The following PDLIM5 variants were observed in gnomAD, a reference collection of about 807,000 sequenced individuals.
The protein encoded by PDLIM5 is PDZ and LIM domain 5, also known as PDZ and LIM domain protein 5.
Under a neutral mutation model 64.2 loss-of-function variants are expected in PDLIM5, and 34 were observed. That is an observed-to-expected ratio of 0.53 (90% CI 0.40 to 0.71). PDLIM5 has a LOEUF of 0.71. PDLIM5 is among the 30% of genes least tolerant of loss of function. PDLIM5 has a pLI of 0.00. For synonymous variants in PDLIM5, 253 were observed against 269.1 expected (o/e 0.94, Z 0.59); for missense variants, 683 against 733.6 (o/e 0.93, Z 0.80).
At chr4:94,559,106 T>G (rs1733621861) in intron 3 of PDLIM5, among the ~76,000 whole-genome samples, 1 of 152,184 alleles carries the variant, frequency 6.6e-6, no homozygotes, top group African/African-American at 2.4e-5. Context: ...TTTTCTATCA[T>G]GAAACCTGAA....
intron 2 of PDLIM5, among the ~76,000 whole-genome samples, chr4:94,521,755 T>C (rs1729848102): frequency 6.6e-6 from 1 of 152,016 alleles, no homozygotes; most frequent in Non-Finnish European, 1.5e-5. Context: ...TTGGGTACAC[T>C]TAGAACAAAT....
At chr4:94,603,814 G>A (rs1247143784) in intron 7 of PDLIM5, among the ~76,000 whole-genome samples, 1 of 152,148 alleles carries the variant, frequency 6.6e-6, no homozygotes, top group Non-Finnish European at 1.5e-5. Context: ...CTAACTGCCT[G>A]GCCCTCAAGT....
intron 2 of PDLIM5, among the ~76,000 whole-genome samples, chr4:94,511,088 G>A (rs921184960): frequency 2.6e-5 from 4 of 152,144 alleles, no homozygotes; most frequent in South Asian, 2.1e-4. Context: ...ACAGCTAAGC[G>A]GAATGAGGCC....
intron 2 of PDLIM5, among the ~76,000 whole-genome samples, chr4:94,463,297 G>A (rs1312683306): frequency 6.6e-6 from 1 of 152,186 alleles, no homozygotes; most frequent in African/African-American, 2.4e-5. Context: ...AAAAATCCAT[G>A]TGTAACTTTT....
At chr4:94,494,393 A>G (rs1474186850) in intron 2 of PDLIM5, among the ~76,000 whole-genome samples, 1 of 140,318 alleles carries the variant, frequency 7.1e-6, no homozygotes, top group Non-Finnish European at 1.5e-5. Context: ...ACACCTAAAT[A>G]CAAGTTTATC....
chr4:94,649,483 C>T (rs1437830324), intron 9 of PDLIM5, among the ~76,000 whole-genome samples: 3 of 152,120 alleles, frequency 2.0e-5, no homozygotes, highest in Non-Finnish European at 2.9e-5. Context: ...GCCCTCCCTG[C>T]TTAATTTTTC....
At chr4:94,636,322 C>T (rs1028089451) in intron 8 of PDLIM5, among the ~76,000 whole-genome samples, 2 of 151,382 alleles carry the variant, frequency 1.3e-5, no homozygotes, top group Non-Finnish European at 2.9e-5. Flanking sequence ...GTCTGATTTT[C>T]AGATTTTCCA....
intron 9 of PDLIM5, among the ~76,000 whole-genome samples, chr4:94,650,237 T>C (rs78781476): frequency 0.026 from 3,973 of 152,260 alleles, 155 homozygotes; most frequent in East Asian, 0.15. Flanking sequence ...TGAATGTATT[T>C]ATGTGCAGTT....
intron 3 of PDLIM5, among the ~76,000 whole-genome samples, chr4:94,540,132 CTTT>C (rs10606217): frequency 3.2e-4 from 45 of 140,550 alleles, no homozygotes; most frequent in Non-Finnish European, 2.5e-4. Flanking sequence ...TACTATTCTT[CTTT>C]TTTTTTTTTT....
chr4:94,644,626 C>G (rs980411789), intron 9 of PDLIM5, among the ~76,000 whole-genome samples: 6 of 151,664 alleles, frequency 4.0e-5, no homozygotes, highest in African/African-American at 1.5e-4. Flanking sequence ...ACTGCAACCT[C>G]CACCTCCCAG....
chr4:94,505,320 G>A (rs1308939418), intron 2 of PDLIM5, among the ~76,000 whole-genome samples: 5 of 151,772 alleles, frequency 3.3e-5, no homozygotes, highest in African/African-American at 7.3e-5. Flanking sequence ...GTGCAGTGGC[G>A]TGATCTCAGC....
intron 2 of PDLIM5, among the ~76,000 whole-genome samples, chr4:94,502,468 G>A (rs1305808483): frequency 6.6e-6 from 1 of 152,210 alleles, no homozygotes; most frequent in Non-Finnish European, 1.5e-5. Flanking sequence ...TCCAGCCCCA[G>A]CCCTGTGATC....
At position 94,573,348 on chromosome 4, in the gene PDLIM5, C is replaced by T. The variant is rs767841299; in HGVS notation, c.249-3C>T. The T allele has an allele frequency of 1.9e-6, 3 of 1,605,926 alleles. No homozygotes were observed. In the Admixed American group the frequency reaches 5.1e-5, roughly 27 times the overall value. On this transcript the variant is annotated splice_polypyrimidine_tract_variant and splice_region_variant and intron_variant, in intron 3 of 12. Coordinates refer to ENST00000317968, the MANE Select transcript of PDLIM5 (RefSeq NM_006457.5). Reference sequence around the variant, plus strand: ...TTTTCTTTTTCTTTCTTTTTTTCCTCAGAGCATCTGCTGCACCCAAGCCTG... The same window carrying T: ...TTTTCTTTTTCTTTCTTTTTTTCCTTAGAGCATCTGCTGCACCCAAGCCTG...
intron 3 of PDLIM5, among the ~76,000 whole-genome samples, chr4:94,543,065 C>T (rs1232728810): frequency 1.3e-5 from 2 of 152,138 alleles, no homozygotes; most frequent in African/African-American, 4.8e-5. Context: ...GCTTTGCATA[C>T]TACACTGTTT....
At chr4:94,613,817 T>C (rs1314719871) in intron 7 of PDLIM5, among the ~76,000 whole-genome samples, 3 of 152,038 alleles carry the variant, frequency 2.0e-5, no homozygotes, top group African/African-American at 7.2e-5. Flanking sequence ...TTTGAATCAT[T>C]AGTTCAGAAA....
Position 94,474,570 on chromosome 4 carries a change from C to T in PDLIM5, c.96+19186C>T, listed in dbSNP as rs1196323105. Among the ~76,000 whole-genome samples, 6 of 152,264 alleles carry T rather than the reference C, an allele frequency of 3.9e-5. No individual in the cohort carries two copies. The East Asian group carries it at 9.6e-4, about 24-fold the overall frequency. ...CTGGCCCATTTACACCTTTTGAAGA[C>T]AGCTAATTTTATCTGGTGAAGTGGT... On this transcript the variant is annotated intron_variant, in intron 2 of 12. Coordinates refer to ENST00000317968, the MANE Select transcript of PDLIM5 (RefSeq NM_006457.5).
intron 2 of PDLIM5, among the ~76,000 whole-genome samples, chr4:94,507,129 A>G (rs1166021585): frequency 6.6e-6 from 1 of 151,988 alleles, no homozygotes; most frequent in Non-Finnish European, 1.5e-5. Flanking sequence ...CTGAGCCACT[A>G]CTGGCTTCTT....
intron 3 of PDLIM5, among the ~76,000 whole-genome samples, chr4:94,562,662 A>G (rs751186916): frequency 9.9e-5 from 15 of 152,222 alleles, no homozygotes; most frequent in Non-Finnish European, 1.9e-4. Context: ...CCATGATGTG[A>G]GTAACATACG....
intron 2 of PDLIM5, among the ~76,000 whole-genome samples, chr4:94,493,833 T>C (rs895573793): frequency 1.3e-4 from 20 of 152,346 alleles, no homozygotes; most frequent in African/African-American, 4.3e-4. Flanking sequence ...TCATAGACTA[T>C]TGTAATCTGC....
Sources: gnomAD v4.1 joint callset for allele counts (sites outside exome capture counted in the v4.1 genomes callset) on GRCh38, gnomAD v4.1.1 for gene constraint, MANE v1.5 for transcripts, NCBI Gene and HGNC (gene_info 2026-07-23, HGNC 2026-07-21) for gene names.